Variants in ULK4 observed in about 807,000 individuals in gnomAD.
ULK4 encodes inactive serine/threonine-protein kinase ULK4.
ULK4 carries 133 observed loss-of-function variants against 160.6 expected under a neutral mutation model. The ratio of observed to expected loss-of-function variants is 0.83; its 90% confidence interval spans 0.72 to 0.96. The LOEUF is 0.96. ULK4 is among the 40% of genes least tolerant of loss of function. The probability of loss-of-function intolerance (pLI) is 0.00; values close to 1 mark genes in which losing one functional copy is unlikely to be tolerated. For synonymous variants in ULK4, 534 were observed against 539.8 expected, an observed-to-expected ratio of 0.99 and a Z score of 0.15; for missense variants, 1,580 against 1,499.5, an observed-to-expected ratio of 1.05 and a Z score of -0.89.
At chr3:41,856,927 G>A (rs775623428) in intron 17 of ULK4, among the ~76,000 whole-genome samples, 7 of 146,960 alleles carry the variant, frequency 4.8e-5, no homozygotes, top group Non-Finnish European at 7.4e-5. Flanking sequence ...CAAAACAAAA[G>A]ACTAAGCCAA....
At chr3:41,606,885 A>C (rs907687764) in intron 31 of ULK4, among the ~76,000 whole-genome samples, 13 of 152,074 alleles carry the variant, frequency 8.5e-5, no homozygotes, top group African/African-American at 2.9e-4. Flanking sequence ...AATAGTTTGC[A>C]AATATTTTCT....
intron 35 of ULK4, among the ~76,000 whole-genome samples, chr3:41,343,565 A>C (rs1316098141): frequency 3.3e-5 from 5 of 151,878 alleles, no homozygotes; most frequent in African/African-American, 4.8e-5. Flanking sequence ...TGGCCTCCCA[A>C]AGTGCTGGGA....
At chr3:41,706,377 TA>T (rs2036883033) in intron 25 of ULK4, among the ~76,000 whole-genome samples, 1 of 143,964 alleles carries the variant, frequency 6.9e-6, no homozygotes, top group African/African-American at 2.6e-5. Context: ...ATATATTTAA[TA>T]TATATATTTA....
intron 34 of ULK4, among the ~76,000 whole-genome samples, chr3:41,427,521 A>G (rs1327570603): frequency 3.3e-5 from 5 of 152,222 alleles, no homozygotes; most frequent in Non-Finnish European, 7.3e-5. Flanking sequence ...AAAATCCTCA[A>G]CAAAATACTG....
chr3:41,833,685 T>C (rs9868670), intron 18 of ULK4, among the ~76,000 whole-genome samples: 11,209 of 152,158 alleles, frequency 0.074, 840 homozygotes, highest in African/African-American at 0.18. Flanking sequence ...ATAGGAATGC[T>C]TGTGATTTTT....
At chr3:41,658,383 A>G (rs1459112862) in intron 30 of ULK4, among the ~76,000 whole-genome samples, 1 of 152,192 alleles carries the variant, frequency 6.6e-6, no homozygotes, top group Non-Finnish European at 1.5e-5. Context: ...AAGCTCCCCA[A>G]GTGATACTAA....
intron 18 of ULK4, among the ~76,000 whole-genome samples, chr3:41,824,894 G>C (rs1469270431): frequency 3.9e-5 from 6 of 152,342 alleles, no homozygotes; most frequent in African/African-American, 1.2e-4. Context: ...CCCCCGAATA[G>C]ACTAACTGGG....
chr3:41,896,822 C>CA lies in ULK4; in HGVS notation c.1529dup (p.Phe511ValfsTer33), dbSNP rs774183469. The stretch of plus-strand genomic sequence containing the variant: ...CATAAGGCATGTCACACAGGCTTAC[C>CA]AGGGGGGAATGGAGGAGCCTGGTGG... On this transcript the variant is annotated frameshift_variant and splice_region_variant, in exon 15 of 37. Coordinates refer to ENST00000301831, the MANE Select transcript of ULK4 (RefSeq NM_017886.4). LOFTEE classifies it high-confidence loss of function. The CA allele has an allele frequency of 6.2e-7, 1 of 1,610,928 alleles. No individual in the cohort carries two copies. Among genetic ancestry groups the CA allele is most frequent in the South Asian group, 1.1e-5 (1 of 90,828 alleles).
chr3:41,862,774 TC>T (rs1285441464), intron 17 of ULK4, among the ~76,000 whole-genome samples: 6 of 134,380 alleles, frequency 4.5e-5, no homozygotes, highest in Non-Finnish European at 7.4e-5. Context: ...AGTCTCTCTC[TC>T]TCTCTCTCTC....
chr3:41,603,451 C>A (rs978807921), intron 31 of ULK4, among the ~76,000 whole-genome samples: 3 of 152,026 alleles, frequency 2.0e-5, no homozygotes, highest in Non-Finnish European at 4.4e-5. Flanking sequence ...GAAAGAAAAT[C>A]GGCAAAGATA....
intron 32 of ULK4, among the ~76,000 whole-genome samples, chr3:41,559,581 G>T (rs1343200014): frequency 1.3e-5 from 2 of 151,810 alleles, no homozygotes; most frequent in Admixed American, 1.3e-4. Flanking sequence ...ACTGGTGTGA[G>T]ATGGTATCTC....
intron 2 of ULK4, among the ~76,000 whole-genome samples, chr3:41,943,891 T>C (rs1369678920): frequency 6.6e-6 from 1 of 152,214 alleles, no homozygotes; most frequent in Non-Finnish European, 1.5e-5. Context: ...TCCATCAGCA[T>C]ACAAACATGC....
intron 35 of ULK4, among the ~76,000 whole-genome samples, chr3:41,388,918 A>G (rs2081887892): frequency 2.6e-5 from 4 of 152,086 alleles, no homozygotes; most frequent in Admixed American, 2.6e-4. Flanking sequence ...GAAGAAAGTC[A>G]TTGGTAGCTT....
intron 17 of ULK4, among the ~76,000 whole-genome samples, chr3:41,848,127 A>T (rs529707523): frequency 3.3e-4 from 51 of 152,302 alleles, no homozygotes; most frequent in Admixed American, 3.1e-3. Flanking sequence ...CCTAAAGCTA[A>T]ATCAAGGAGA....
intron 32 of ULK4, among the ~76,000 whole-genome samples, chr3:41,486,982 A>G (rs562418279): frequency 2.6e-5 from 4 of 152,340 alleles, no homozygotes; most frequent in Admixed American, 1.3e-4. Context: ...CGTTAAAATT[A>G]TCATCAATTA....
At chr3:41,636,854 T>A (rs1575508720) in intron 30 of ULK4, among the ~76,000 whole-genome samples, 1 of 152,016 alleles carries the variant, frequency 6.6e-6, no homozygotes, top group Admixed American at 6.6e-5. Flanking sequence ...CTTTTACTAT[T>A]TTCTTAGGAT....
intron 29 of ULK4, among the ~76,000 whole-genome samples, chr3:41,665,302 C>T (rs2035317833): frequency 6.6e-6 from 1 of 152,054 alleles, no homozygotes; most frequent in Admixed American, 6.6e-5. Flanking sequence ...TACAGGAAGG[C>T]AACCAATGAA....
At chr3:41,794,945 TGAAGGAGG>T (rs1477656028) in intron 20 of ULK4, among the ~76,000 whole-genome samples, 3 of 151,604 alleles carry the variant, frequency 2.0e-5, no homozygotes, top group African/African-American at 7.3e-5. Context: ...GGAGACAGAG[TGAAGGAGG>T]GAAGGAGTGT....
At chr3:41,759,087 G>C (rs1160176380) in intron 21 of ULK4, among the ~76,000 whole-genome samples, 1 of 152,144 alleles carries the variant, frequency 6.6e-6, no homozygotes, top group Admixed American at 6.5e-5. Flanking sequence ...CATACTTAAT[G>C]ATGACAGACA....
Sources: gnomAD v4.1 joint callset for allele counts (sites outside exome capture counted in the v4.1 genomes callset) on GRCh38, gnomAD v4.1.1 for gene constraint, MANE v1.5 for transcripts, NCBI Gene and HGNC (gene_info 2026-07-23, HGNC 2026-07-21) for gene names.